The following GNB1L variants were observed in gnomAD, a reference collection of about 807,000 sequenced individuals.
GNB1L encodes the protein G protein subunit beta 1 like.
GNB1L carries 20 observed loss-of-function variants against 29.1 expected under a neutral mutation model. The observed-to-expected ratio is 0.69, with a 90% CI of 0.48 to 1.00. The LOEUF (loss-of-function observed/expected upper bound fraction) is 1.00. Among genes scored for constraint, GNB1L ranks in the 50% least tolerant of loss-of-function variants. The pLI is 0.00. For synonymous variants in GNB1L, 193 were observed against 206.5 expected (o/e 0.93, Z 0.56); for missense variants, 421 against 464.9 (o/e 0.91, Z 0.87).
chr22:19,808,489 G>A (rs369978169), intron 5 of GNB1L, among the ~76,000 whole-genome samples: 11 of 152,280 alleles, frequency 7.2e-5, no homozygotes, highest in East Asian at 5.8e-4. Flanking sequence ...CTCCAAAGCC[G>A]GCCAAAATGG....
At position 19,788,928 on chromosome 22, in the gene GNB1L, C is replaced by T. The variant is rs752722048; in HGVS notation, c.765G>A (p.Gly255=). The part of the protein sequence containing the change: ...VRGTHELTNP[G]IAEVTIRPDR... The stretch of plus-strand genomic sequence containing the variant: ...CTGGCCGGATCGTGACCTCGGCGAT[C>T]CCGGGATTGGTGAGTTCATGAGTCC... The change falls in exon 8 of 8, where the codon GGG becomes GGA. Residue 255 remains glycine, a synonymous_variant. Coordinates refer to ENST00000329517, the MANE Select transcript of GNB1L (RefSeq NM_053004.3). 6.8e-6 allele frequency: 11 copies of T among 1,610,586 alleles called. No homozygotes were observed. Among genetic ancestry groups the T allele is most frequent in the Non-Finnish European group, 9.3e-6 (11 of 1,178,444 alleles).
At chr22:19,827,924 A>G (rs1330630785) in intron 2 of GNB1L, among the ~76,000 whole-genome samples, 2 of 152,218 alleles carry the variant, frequency 1.3e-5, no homozygotes, top group East Asian at 3.8e-4. Context: ...AAACAACCCA[A>G]ATGGCTAGCA....
intron 2 of GNB1L, chr22:19,851,613 C>A: frequency 6.3e-7 from 1 of 1,595,510 alleles, no homozygotes. Flanking sequence ...AAGAACCTAG[C>A]TAAGTATTGC....
At chr22:19,842,633 G>T (rs945056943) in intron 2 of GNB1L, among the ~76,000 whole-genome samples, 1 of 152,232 alleles carries the variant, frequency 6.6e-6, no homozygotes, top group Non-Finnish European at 1.5e-5. Context: ...CTGCACTCTA[G>T]CTGCAAACAG....
intron 2 of GNB1L, among the ~76,000 whole-genome samples, chr22:19,827,229 C>T (rs980658557): frequency 3.3e-5 from 5 of 151,956 alleles, no homozygotes; most frequent in Admixed American, 6.6e-5. Context: ...GGGTGAAATG[C>T]TATAATGTCT....
chr22:19,798,430 A>G (rs1440215093), intron 7 of GNB1L, among the ~76,000 whole-genome samples: 1 of 152,190 alleles, frequency 6.6e-6, no homozygotes, highest in Non-Finnish European at 1.5e-5. Flanking sequence ...GCCACACGCC[A>G]TGGGCCTCAC....
Position 19,821,247 on chromosome 22 carries a change from G to A in GNB1L, c.109C>T (p.Arg37Cys), listed in dbSNP as rs139067589. ...HFCEGAQAQG[R>C]PLLFSGSQSG... The stretch of plus-strand genomic sequence containing the variant: ...ACTCACCCTGAGAAGAGGAGCGGGC[G>A]CCCCTGAGCCTGGGCTCCTTCGCAG... The change falls in exon 3 of 8, where the codon CGC becomes TGC. Residue 37 changes from arginine (R) to cysteine (C), a missense_variant. Arg to Cys is a radical substitution (Grantham distance 180). Transcript: ENST00000329517. 5.6e-5 allele frequency: 90 copies of A among 1,611,574 alleles called. No individual in the cohort carries two copies. Among genetic ancestry groups the A allele is most frequent in the East Asian group, 1.1e-4 (5 of 44,842 alleles).
intron 4 of GNB1L, among the ~76,000 whole-genome samples, chr22:19,818,450 G>A (rs1280962529): frequency 6.6e-6 from 1 of 152,152 alleles, no homozygotes; most frequent in South Asian, 2.1e-4. Context: ...AGGGATCTGG[G>A]TCGGCTTGGC....
At chr22:19,834,627 T>C (rs1937733115) in intron 2 of GNB1L, among the ~76,000 whole-genome samples, 2 of 151,292 alleles carry the variant, frequency 1.3e-5, no homozygotes, top group African/African-American at 4.8e-5. Flanking sequence ...ATATTAACTC[T>C]AAGAAGACTG....
chr22:19,802,779 A>G (rs1038174922), intron 6 of GNB1L, among the ~76,000 whole-genome samples: 1 of 152,278 alleles, frequency 6.6e-6, no homozygotes, highest in Non-Finnish European at 1.5e-5. Context: ...TGGCTGCCGA[A>G]GCCCCTGCCC....
chr22:19,837,804 T>C (rs1173406513), intron 2 of GNB1L, among the ~76,000 whole-genome samples: 2 of 152,248 alleles, frequency 1.3e-5, no homozygotes, highest in Non-Finnish European at 2.9e-5. Context: ...GAAGTACTGA[T>C]ACATGCTTTA....
chr22:19,827,805 C>T (rs576431203), intron 2 of GNB1L, among the ~76,000 whole-genome samples: 7 of 152,264 alleles, frequency 4.6e-5, no homozygotes, highest in Admixed American at 1.3e-4. Flanking sequence ...CCGTATGACT[C>T]GGCAACCCTA....
intron 2 of GNB1L, among the ~76,000 whole-genome samples, chr22:19,853,747 G>GC (rs1569059553): frequency 6.6e-6 from 1 of 151,996 alleles, no homozygotes; most frequent in Admixed American, 6.6e-5. Flanking sequence ...TGAAAGCCCA[G>GC]CCCATGACCC....
chr22:19,848,436 G>A (rs2145903437), intron 2 of GNB1L: 2 of 985,494 alleles, frequency 2.0e-6, no homozygotes, highest in South Asian at 4.7e-5. Flanking sequence ...GTCATCATCT[G>A]TCTGAAAGCA....
chr22:19,843,729 C>G (rs775024693), intron 2 of GNB1L, among the ~76,000 whole-genome samples: 3 of 152,180 alleles, frequency 2.0e-5, no homozygotes, highest in Non-Finnish European at 4.4e-5. Context: ...GGTAAGCTGG[C>G]AAATCTGCAA....
Position 19,821,284 on chromosome 22 carries a change from A to G in GNB1L, c.72T>C (p.His24=), listed in dbSNP as rs753967633. The change falls in exon 3 of 8, where the codon CAT becomes CAC. Residue 24 remains histidine (H), a synonymous_variant. Transcript: ENST00000329517. Reference sequence around the variant, plus strand: ...GGGCTCCTTCGCAGAAGTGCAGCGCATGCACCGGTGACTGGGTGCCTCGGA... The same window carrying G: ...GGGCTCCTTCGCAGAAGTGCAGCGCGTGCACCGGTGACTGGGTGCCTCGGA... ...FVLRGTQSPV[H]ALHFCEGAQA... 17 of 1,613,396 alleles carry G rather than the reference A, an allele frequency of 1.1e-5. No individual in the cohort carries two copies. The highest frequency in any genetic ancestry group is 1.6e-4 in the Middle Eastern group (1 of 6,082).
intron 2 of GNB1L, among the ~76,000 whole-genome samples, chr22:19,838,944 CA>C (rs1937811320): frequency 6.6e-6 from 1 of 152,138 alleles, no homozygotes; most frequent in Non-Finnish European, 1.5e-5. Context: ...GAAAATAACC[CA>C]AATGACCATC....
chr22:19,791,394 A>G (rs1390517870), intron 7 of GNB1L, among the ~76,000 whole-genome samples: 1 of 152,240 alleles, frequency 6.6e-6, no homozygotes, highest in Non-Finnish European at 1.5e-5. Context: ...ACACAAGGCA[A>G]CTGTTTACAG....
intron 6 of GNB1L, among the ~76,000 whole-genome samples, chr22:19,803,878 C>T (rs1382941540): frequency 6.6e-6 from 1 of 152,270 alleles, no homozygotes; most frequent in Non-Finnish European, 1.5e-5. Context: ...CTCCCCGGCA[C>T]TTTCCTCCAC....
Sources: gnomAD v4.1 joint callset for allele counts (sites outside exome capture counted in the v4.1 genomes callset) on GRCh38, gnomAD v4.1.1 for gene constraint, MANE v1.5 for transcripts, NCBI Gene and HGNC (gene_info 2026-07-23, HGNC 2026-07-21) for gene names.